ENO4: variants seen among roughly 807,000 people sequenced by gnomAD.
ENO4 encodes 2-phospho-D-glycerate hydro-lyase.
A neutral mutation model predicts 63.2 loss-of-function variants in ENO4; 53 were observed. The observed-to-expected ratio is 0.84, with a 90% CI of 0.67 to 1.05. The LOEUF (loss-of-function observed/expected upper bound fraction) is 1.05, where lower values mean the gene tolerates loss of function less well. Ranked by LOEUF, ENO4 falls within the 50% of genes least tolerant of loss-of-function variation. The pLI, the probability that ENO4 is intolerant of heterozygous loss-of-function variation, is 0.00. For missense variants in ENO4, 719 were observed against 772.0 expected (o/e 0.93, Z 0.81); for synonymous variants, 266 against 283.8 (o/e 0.94, Z 0.63).
chr10:116,899,757 T>G (rs999945969), intron 10 of ENO4, among the ~76,000 whole-genome samples: 1 of 152,204 alleles, frequency 6.6e-6, no homozygotes, highest in African/African-American at 2.4e-5. Flanking sequence ...ACTTTACTTA[T>G]TAATTGCTGA....
intron 10 of ENO4, 108 bp downstream of exon 10, chr10:116,874,309 G>C: frequency 1.0e-6 from 1 of 991,658 alleles, no homozygotes. Context: ...TAACAAAACA[G>C]AGAATAAAAT....
At chr10:116,901,615 T>C in intron 10 of ENO4, 4 of 1,359,808 alleles carry the variant, frequency 2.9e-6, no homozygotes, top group Non-Finnish European at 3.8e-6. Context: ...GAGCCTAGAA[T>C]GAAAAAGCTG....
chr10:116,887,117 G>C (rs576472166), downstream of ENO4, among the ~76,000 whole-genome samples: 7 of 152,202 alleles, frequency 4.6e-5, no homozygotes, highest in Non-Finnish European at 1.0e-4. Flanking sequence ...TCAGGAGGGG[G>C]TGGTGGTAGG....
At chr10:116,897,264 A>T (rs893496397) in intron 10 of ENO4, among the ~76,000 whole-genome samples, 1 of 152,236 alleles carries the variant, frequency 6.6e-6, no homozygotes, top group African/African-American at 2.4e-5. Context: ...GATGTATTTT[A>T]AAAATTAATT....
intron 13 of ENO4, among the ~76,000 whole-genome samples, chr10:116,880,641 G>A (rs187777715): frequency 4.6e-5 from 7 of 152,126 alleles, no homozygotes; most frequent in South Asian, 2.1e-4. Flanking sequence ...CGTATGTAGC[G>A]GTCTTGAAAT....
At chr10:116,908,730 G>A (rs1848072433) in intron 10 of ENO4, among the ~76,000 whole-genome samples, 1 of 152,140 alleles carries the variant, frequency 6.6e-6, no homozygotes, top group Non-Finnish European at 1.5e-5. Flanking sequence ...TTTTATTGAT[G>A]AATGTATCTT....
chr10:116,910,080 C>T (rs951170679), intron 10 of ENO4, among the ~76,000 whole-genome samples: 11 of 152,242 alleles, frequency 7.2e-5, no homozygotes, highest in Middle Eastern at 3.4e-3. Flanking sequence ...TCTGGCAGGT[C>T]GAGCTAGGAG....
At chr10:116,893,784 A>T (rs1427182797) in intron 10 of ENO4, among the ~76,000 whole-genome samples, 2 of 152,140 alleles carry the variant, frequency 1.3e-5, no homozygotes, top group Non-Finnish European at 2.9e-5. Flanking sequence ...TTTCCAGCTG[A>T]GATAATTAGT....
chr10:116,900,271 G>A, intron 10 of ENO4: 2 of 467,768 alleles, frequency 4.3e-6, no homozygotes, highest in Non-Finnish European at 7.7e-6. Context: ...GCTTTAAGTA[G>A]ATAAATTAAA....
intron 10 of ENO4, among the ~76,000 whole-genome samples, chr10:116,897,734 A>G (rs532329903): frequency 6.6e-6 from 1 of 152,328 alleles, no homozygotes; most frequent in Non-Finnish European, 1.5e-5. Context: ...TATAGATTAC[A>G]TAACTTTCCC....
downstream of ENO4, among the ~76,000 whole-genome samples, chr10:116,886,882 T>G (rs1847181241): frequency 6.6e-6 from 1 of 152,204 alleles, no homozygotes. Flanking sequence ...ATGGACAAAC[T>G]GTGAACTTCT....
intron 10 of ENO4, among the ~76,000 whole-genome samples, chr10:116,898,207 A>G (rs11197846): frequency 1.6e-4 from 25 of 152,218 alleles, no homozygotes; most frequent in East Asian, 1.5e-3. Context: ...AGGCACCTGT[A>G]ATCACAGCTA....
chr10:116,874,017 T>C lies in ENO4; in HGVS notation c.1216-59T>C, dbSNP rs1846766139. ...CGAAAACGAATCTGAACCGTATCTT[T>C]GGGATTTGATGAATTCATTATTTAT... On this transcript the variant is annotated intron_variant, in intron 9 of 13. Transcript: ENST00000341276. 4.8e-6 allele frequency: 7 copies of C among 1,467,452 alleles called. No homozygotes were observed. In the South Asian group the frequency reaches 9.3e-5, roughly 19 times the overall value. 90.9% of individuals were successfully genotyped at this position (1,467,452 alleles called of 1,614,324 possible). A position where few individuals can be genotyped will look rare whatever the true frequency, so the allele number is the denominator to read the frequency against.
At chr10:116,910,829 C>A (rs1848163099) in intron 10 of ENO4, among the ~76,000 whole-genome samples, 1 of 152,152 alleles carries the variant, frequency 6.6e-6, no homozygotes, top group Admixed American at 6.5e-5. Flanking sequence ...GTAGGTAGGC[C>A]ACCACTGTTA....
chr10:116,885,052 T>C (rs1315574373), downstream of ENO4: 1 of 152,590 alleles, frequency 6.6e-6, no homozygotes, highest in African/African-American at 2.4e-5. Flanking sequence ...AAGATAATTA[T>C]CTCCAAATTT....
chr10:116,911,858 A>C, downstream of ENO4: 1 of 1,600,266 alleles, frequency 6.2e-7, no homozygotes, highest in East Asian at 2.2e-5. Context: ...AATTTTAATA[A>C]GAAAGAAAAA....
chr10:116,897,278 T>C lies in ENO4; in HGVS notation c.1195-14221T>C, dbSNP rs1485695896. ...GGATGTATTTTAAAAATTAATTATT[T>C]TACATTTCTGGGTTTGTGTTTTTCT... On this transcript the variant is annotated intron_variant, in intron 10 of 10. Coordinates refer to the ENO4 transcript ENST00000369207. Among the ~76,000 whole-genome samples, 4 of 152,212 alleles carry C rather than the reference T, an allele frequency of 2.6e-5. 1 individual carries two copies. The highest frequency in any genetic ancestry group is 9.6e-5 in the African/African-American group (4 of 41,452).
intron 10 of ENO4, among the ~76,000 whole-genome samples, chr10:116,910,462 G>C (rs1474165764): frequency 6.6e-6 from 1 of 152,168 alleles, no homozygotes; most frequent in Non-Finnish European, 1.5e-5. Context: ...GGTGAATATG[G>C]TATTTAAGAG....
At chr10:116,886,321 A>G (rs1847161267), downstream of ENO4, 1 of 1,551,986 alleles carries the variant, frequency 6.4e-7, no homozygotes, top group East Asian at 2.4e-5. Context: ...ACTTCCAAAC[A>G]TGTCAGGCTT....
Sources: allele counts gnomAD v4.1 joint callset (sites outside exome capture counted in the v4.1 genomes callset), GRCh38; gene constraint gnomAD v4.1.1; transcripts MANE v1.5; gene names NCBI Gene and HGNC (gene_info 2026-07-23, HGNC 2026-07-21).